The following PRIM2 variants were observed in gnomAD, a reference collection of about 807,000 sequenced individuals.
The protein encoded by PRIM2 is DNA primase subunit 2.
A neutral mutation model predicts 67.3 loss-of-function variants in PRIM2; 39 were observed. The observed-to-expected ratio is 0.58, with a 90% CI of 0.45 to 0.76. The LOEUF (loss-of-function observed/expected upper bound fraction) is 0.76. Ranked by LOEUF, PRIM2 falls within the 30% of genes least tolerant of loss-of-function variation. PRIM2 has a pLI of 0.00. For synonymous variants in PRIM2, 143 were observed against 198.7 expected (o/e 0.72, Z 2.36); for missense variants, 398 against 598.7 (o/e 0.66, Z 3.50).
intron 7 of PRIM2, among the ~76,000 whole-genome samples, chr6:57,481,620 A>G (rs1422579102): frequency 6.6e-6 from 1 of 152,054 alleles, no homozygotes; most frequent in African/African-American, 2.4e-5. Context: ...CAAACGCCCA[A>G]GAGTATAAAT....
At chr6:57,559,775 A>G (rs1375205625) in intron 10 of PRIM2, among the ~76,000 whole-genome samples, 2 of 152,242 alleles carry the variant, frequency 1.3e-5, no homozygotes, top group Non-Finnish European at 2.9e-5. Flanking sequence ...GCAGTCTATT[A>G]AGTGTGCAAT....
intron 7 of PRIM2, among the ~76,000 whole-genome samples, chr6:57,468,428 C>T (rs1238455573): frequency 2.0e-5 from 3 of 152,042 alleles, no homozygotes; most frequent in Admixed American, 6.6e-5. Flanking sequence ...TGATGGATTA[C>T]GTTTATTGAT....
chr6:57,538,445 G>A (rs1250927513), intron 10 of PRIM2, among the ~76,000 whole-genome samples: 1 of 152,092 alleles, frequency 6.6e-6, no homozygotes, highest in Non-Finnish European at 1.5e-5. Context: ...AATAGTGCCA[G>A]CTAATAACAT....
At chr6:57,583,224 G>T (rs1192364804) in intron 10 of PRIM2, among the ~76,000 whole-genome samples, 1 of 144,248 alleles carries the variant, frequency 6.9e-6, no homozygotes, top group Non-Finnish European at 1.5e-5. Flanking sequence ...CATGTGCACA[G>T]TGTGCAGGTT....
chr6:57,299,923 G>A, the PRIM2 span, among the ~76,000 whole-genome samples: 1 of 152,278 alleles, frequency 6.6e-6, no homozygotes, highest in Non-Finnish European at 1.5e-5. Flanking sequence ...TTTAGCATAT[G>A]AGTCTCTTTC....
intron 7 of PRIM2, among the ~76,000 whole-genome samples, chr6:57,387,878 A>G (rs544471372): frequency 1.1e-3 from 168 of 151,618 alleles, no homozygotes; most frequent in Non-Finnish European, 2.1e-3. Flanking sequence ...CTTATATTCT[A>G]GTGGGAGACA....
intron 7 of PRIM2, among the ~76,000 whole-genome samples, chr6:57,452,628 G>T (rs1234981298): frequency 6.6e-6 from 1 of 152,140 alleles, no homozygotes; most frequent in Admixed American, 6.5e-5. Context: ...TGTTGATGGG[G>T]TTGTTTGTTT....
chr6:57,331,359 T>C (rs959348633), intron 5 of PRIM2, among the ~76,000 whole-genome samples: 50 of 152,190 alleles, frequency 3.3e-4, no homozygotes, highest in African/African-American at 1.2e-3. Flanking sequence ...TGATAAGGGA[T>C]ACTGGTCTGT....
Position 57,402,269 on chromosome 6 carries a change from G to A in PRIM2, c.693+20101G>A, listed in dbSNP as rs529076608. 2.0e-5 allele frequency among the ~76,000 whole-genome samples: 3 copies of A among 152,182 alleles called. No individual in the cohort carries two copies. The South Asian group carries it at 6.2e-4, about 32-fold the overall frequency. ...CCTCTGGGAGCTCTGTGCCAGCAAGGTATGGACCTGTTGCTTGCCCAAACA... is the reference window on the plus strand; with the variant it reads ...CCTCTGGGAGCTCTGTGCCAGCAAGATATGGACCTGTTGCTTGCCCAAACA... On this transcript the variant is annotated intron_variant, in intron 7 of 13. Transcript: ENST00000615550.
intron 10 of PRIM2, among the ~76,000 whole-genome samples, chr6:57,538,978 G>A (rs1775076081): frequency 6.6e-6 from 1 of 152,134 alleles, no homozygotes; most frequent in Non-Finnish European, 1.5e-5. Flanking sequence ...ACTTTTAGGA[G>A]ATCACAATTC....
chr6:57,253,159 C>T, the PRIM2 span, among the ~76,000 whole-genome samples: 17 of 151,232 alleles, frequency 1.1e-4, no homozygotes. Flanking sequence ...TCAGGATCCC[C>T]TCCTCAATTT....
Position 57,378,663 on chromosome 6 carries a change from G to A in PRIM2, c.460-1238G>A, listed in dbSNP as rs529292845. The stretch of plus-strand genomic sequence containing the variant: ...TGCCTGGGCATTTGAATCAGGTACC[G>A]CCTTAAAACAAGTTCAAGGCTTGGG... On this transcript the variant is annotated intron_variant, in intron 5 of 13. Coordinates refer to ENST00000615550, the MANE Select transcript of PRIM2 (RefSeq NM_000947.5). 3.3e-3 allele frequency among the ~76,000 whole-genome samples: 508 copies of A among 152,154 alleles called. 4 individuals carry two copies. The highest frequency in any genetic ancestry group is 0.012 in the African/African-American group (494 of 41,518).
chr6:57,540,910 G>A lies in PRIM2; in HGVS notation c.1020+3285G>A, dbSNP rs1415886657. On this transcript the variant is annotated intron_variant, in intron 10 of 13. Transcript: ENST00000615550. ...GCTCTGTGATGCTAATCATCTCAGC[G>A]TAAGCAGCTTGCACAGTAAATTGTA... Among the ~76,000 whole-genome samples, 220 of 152,302 alleles carry A rather than the reference G, an allele frequency of 1.4e-3. 1 individual carries two copies. Among genetic ancestry groups the A allele is most frequent in the South Asian group, 2.7e-3 (13 of 4,824 alleles).
chr6:57,337,648 T>G (rs914612833), intron 5 of PRIM2, among the ~76,000 whole-genome samples: 4 of 152,256 alleles, frequency 2.6e-5, no homozygotes, highest in South Asian at 2.1e-4. Context: ...AATAAAGATG[T>G]TCTTTGAAAC....
At chr6:57,564,732 A>C (rs1775704183) in intron 10 of PRIM2, among the ~76,000 whole-genome samples, 1 of 152,152 alleles carries the variant, frequency 6.6e-6, no homozygotes, top group South Asian at 2.1e-4. Flanking sequence ...CTTAAAAAGA[A>C]AGGCTCTGAA....
chr6:57,590,750 T>G (rs1776269658), intron 10 of PRIM2, among the ~76,000 whole-genome samples: 1 of 152,182 alleles, frequency 6.6e-6, no homozygotes, highest in South Asian at 2.1e-4. Context: ...CTAGTTGAGA[T>G]GAGGATTCAG....
intron 8 of PRIM2, among the ~76,000 whole-genome samples, chr6:57,526,681 C>T (rs1389387041): frequency 1.3e-5 from 2 of 152,166 alleles, no homozygotes; most frequent in Admixed American, 6.5e-5. Context: ...TACTGAATCC[C>T]TTACTTAAAA....
chr6:57,449,003 T>C (rs1772448399), intron 7 of PRIM2, among the ~76,000 whole-genome samples: 3 of 152,162 alleles, frequency 2.0e-5, no homozygotes, highest in African/African-American at 7.2e-5. Flanking sequence ...TTCTCTGGGG[T>C]CCTCTTGGCC....
the PRIM2 span, among the ~76,000 whole-genome samples, chr6:57,256,881 T>A: frequency 6.6e-6 from 1 of 152,242 alleles, no homozygotes; most frequent in African/African-American, 2.4e-5. Context: ...TCTAGTCTCC[T>A]ACCTACTGCT....
Sources: allele counts gnomAD v4.1 joint callset (sites outside exome capture counted in the v4.1 genomes callset), GRCh38; gene constraint gnomAD v4.1.1; transcripts MANE v1.5; gene names NCBI Gene and HGNC (gene_info 2026-07-23, HGNC 2026-07-21).